SLC34A3: variants seen among roughly 807,000 people sequenced by gnomAD.
SLC34A3 encodes sodium-dependent phosphate transport protein 2C.
A neutral mutation model predicts 43.9 loss-of-function variants in SLC34A3; 60 were observed. The ratio of observed to expected loss-of-function variants is 1.37; its 90% CI spans 1.11 to 1.70. SLC34A3 has a LOEUF of 1.70. Ranked by LOEUF, SLC34A3 falls within the 40% of genes most tolerant of loss-of-function variation. SLC34A3 has a pLI of 0.00. For missense variants in SLC34A3, 969 were observed against 823.8 expected (o/e 1.18, Z -2.16); for synonymous variants, 451 against 386.2 (o/e 1.17, Z -1.97).
Position 137,234,367 on chromosome 9 carries a change from T to G in SLC34A3, c.1094-49T>G, listed in dbSNP as rs765325483. 2 of 1,598,402 alleles carry G rather than the reference T, an allele frequency of 1.3e-6. No homozygotes were observed. The highest frequency in any genetic ancestry group is 2.2e-5 in the East Asian group (1 of 44,818). On this transcript the variant is annotated intron_variant, in intron 10 of 12. Transcript: ENST00000673835. This position sits in a 1 kb window ranked among gnomAD's most constrained non-coding sequence, Gnocchi z 6.9. ...CCACCAGGCTGACTCGGGGGCTACC[T>G]GGCCCTCCTTGTGGGCGCTGGCCAG...
chr9:137,233,213 T>C lies in SLC34A3; in HGVS notation c.565T>C (p.Phe189Leu). The change falls in exon 7 of 13, where the codon TTC (phenylalanine) becomes CTC (leucine). Residue 189 changes from phenylalanine (F) to leucine (L), a missense_variant. By Grantham distance (22) the Phe-to-Leu change is conservative. Coordinates refer to ENST00000673835, the MANE Select transcript of SLC34A3 (RefSeq NM_001177316.2). ...GCCCACTCTCTGCGGCCACAGGGCT[T>C]TCAGCGGCTCGGCGGTGCACGGGAT... is the stretch of plus-strand genomic sequence containing the variant. ...SGDRDEFQRA[F>L]SGSAVHGIFN... 6.3e-7 allele frequency: 1 copy of C among 1,578,764 alleles called. No individual in the cohort carries two copies. The highest frequency in any genetic ancestry group is 8.6e-7 in the Non-Finnish European group (1 of 1,162,760).
chr9:137,233,779 T>TTGGGGGGCCCCCCCCC, intron 8 of SLC34A3, 57 bp downstream of exon 8: 2 of 1,445,806 alleles, frequency 1.4e-6, no homozygotes, highest in Non-Finnish European at 1.9e-6. Context: ...TGCTGAGTCA[T>TTGGGGGGCCCCCCCCC]CCCGCCCCAC....
chr9:137,230,745 CAG>C (rs1257064390), upstream of SLC34A3: 1 of 152,244 alleles, frequency 6.6e-6, no homozygotes, highest in Non-Finnish European at 1.5e-5. Flanking sequence ...GTCCTAGCCA[CAG>C]AGTGACAGGA....
chr9:137,235,523 G>A (rs906971708), intron 12 of SLC34A3, among the ~76,000 whole-genome samples: 5 of 152,168 alleles, frequency 3.3e-5, no homozygotes, highest in East Asian at 1.9e-4. Context: ...CTCCAAGTCC[G>A]GCAGCCCCTG....
At position 137,236,122 on chromosome 9, in the gene SLC34A3, G is replaced by A. The variant is rs771554199; in HGVS notation, c.1506G>A (p.Ala502=). Reference sequence around the variant, plus strand: ...TCGGATTCCTGCTGCTGCCCCTGGCGGCCTTCGGGCTCTCCCTGGCAGGGG... The same window carrying A: ...TCGGATTCCTGCTGCTGCCCCTGGCAGCCTTCGGGCTCTCCCTGGCAGGGG... ...LLLGFLLLPL[A]AFGLSLAGGM... is the part of the protein sequence containing the mutation. The change falls in exon 13 of 13, where the codon GCG becomes GCA. Residue 502 remains alanine, a synonymous_variant. Transcript: ENST00000673835. 63 of 1,611,228 alleles carry A rather than the reference G, an allele frequency of 3.9e-5. No individual in the cohort carries two copies. Among genetic ancestry groups the A allele is most frequent in the Middle Eastern group, 1.6e-4 (1 of 6,080 alleles).
Position 137,234,550 on chromosome 9 carries a change from A to G in SLC34A3, c.1210+18A>G. 1 of 1,609,212 alleles carries G rather than the reference A, an allele frequency of 6.2e-7. No homozygotes were observed. The highest frequency in any genetic ancestry group is 8.5e-7 in the Non-Finnish European group (1 of 1,178,196). ...CCTCATGGGTGAGCAGGCAGGACAG[A>G]GGCCTCGGGAACGGGGGCTCGGGCT... On this transcript the variant is annotated intron_variant, in intron 11 of 12. Coordinates refer to ENST00000673835, the MANE Select transcript of SLC34A3 (RefSeq NM_001177316.2). This position sits in a 1 kb window ranked among gnomAD's most constrained non-coding sequence, Gnocchi z 6.9.
chr9:137,233,728 G>A lies in SLC34A3; in HGVS notation c.846+6G>A. 6.2e-7 allele frequency: 1 copy of A among 1,612,150 alleles called. No homozygotes were observed. Among genetic ancestry groups the A allele is most frequent in the Non-Finnish European group, 8.5e-7 (1 of 1,179,718 alleles). On this transcript the variant is annotated splice_donor_region_variant and intron_variant, in intron 8 of 12. Transcript: ENST00000673835. ...GCGGCACCACGGGGCAGCCGGTGAG[G>A]CACCCAACCCTAGGCCCTCACTGAC...
intron 8 of SLC34A3, 57 bp downstream of exon 8, chr9:137,233,779 T>TTGGGGGCCCCCCCCCCCCCCCCCCC: frequency 1.4e-6 from 2 of 1,445,728 alleles, no homozygotes; most frequent in Admixed American, 1.8e-5. Context: ...TGCTGAGTCA[T>TTGGGGGCCCCCCCCCCCCCCCCCCC]CCCGCCCCAC....
intron 12 of SLC34A3, 72 bp from the exon 13 acceptor site, chr9:137,235,880 G>A (rs554436229): frequency 2.1e-5 from 28 of 1,354,564 alleles, no homozygotes; most frequent in Admixed American, 6.7e-5. Context: ...GGGTGGAGGA[G>A]GGCAGGGGTC....
In SLC34A3 at chr9:137,236,446, C is replaced by A. The variant is rs1445470880; in HGVS notation, c.*30C>A. On this transcript the variant is annotated 3_prime_UTR_variant, in exon 13 of 13. Transcript: ENST00000673835. ...CAGTTGCTGAGCAGACCGCCCCACC[C>A]TCCCCGGCTGGGAGGGCTCTGGAGG... 8 of 1,528,246 alleles carry A rather than the reference C, an allele frequency of 5.2e-6. No homozygotes were observed. The highest frequency in any genetic ancestry group is 4.1e-5 in the African/African-American group (3 of 72,852). The allele number at this position is 1,528,246 out of a possible 1,614,324, so 94.7% of individuals were successfully genotyped here. A position where few individuals can be genotyped will look rare whatever the true frequency, so the allele number is the denominator to read the frequency against.
upstream of SLC34A3, among the ~76,000 whole-genome samples, chr9:137,230,462 G>C (rs2131397669): frequency 6.6e-6 from 1 of 152,320 alleles, no homozygotes; most frequent in Non-Finnish European, 1.5e-5. Context: ...TCCCTCCCCT[G>C]CTCTGCCGAG....
At chr9:137,232,487 G>C (rs989564273) in intron 3 of SLC34A3, 88 bp from the exon 4 acceptor site, 25 of 1,560,240 alleles carry the variant, frequency 1.6e-5, no homozygotes, top group Middle Eastern at 1.9e-4. Flanking sequence ...TGGAGACAGA[G>C]GAGAGAGGGG....
At position 137,234,572 on chromosome 9, in the gene SLC34A3, G is replaced by T; in HGVS notation, c.1211-35G>T. On this transcript the variant is annotated intron_variant, in intron 11 of 12. Coordinates refer to ENST00000673835, the MANE Select transcript of SLC34A3 (RefSeq NM_001177316.2). This position sits in a 1 kb window ranked among gnomAD's most constrained non-coding sequence, Gnocchi z 6.9. ...CAGAGGCCTCGGGAACGGGGGCTCG[G>T]GCTGGGGTCCTGTGGTGACTCCCAG... is the stretch of plus-strand genomic sequence containing the variant. The T allele has an allele frequency of 1.2e-6, 2 of 1,610,688 alleles. No individual in the cohort carries two copies. Among genetic ancestry groups the T allele is most frequent in the Non-Finnish European group, 1.7e-6 (2 of 1,178,806 alleles).
chr9:137,236,439 C>A lies in SLC34A3; in HGVS notation c.*23C>A, dbSNP rs911354409. ...TGACGGGCAGTTGCTGAGCAGACCGCCCCACCCTCCCCGGCTGGGAGGGCT... is the reference window on the plus strand; with the variant it reads ...TGACGGGCAGTTGCTGAGCAGACCGACCCACCCTCCCCGGCTGGGAGGGCT... On this transcript the variant is annotated 3_prime_UTR_variant, in exon 13 of 13. Transcript: ENST00000673835. 6.5e-7 allele frequency: 1 copy of A among 1,529,594 alleles called. No individual in the cohort carries two copies. The highest frequency in any genetic ancestry group is 8.8e-7 in the Non-Finnish European group (1 of 1,140,940). The allele number at this position is 1,529,594 out of a possible 1,614,324, so 94.8% of individuals were successfully genotyped here.
Position 137,234,166 on chromosome 9 carries a change from T to C in SLC34A3, c.983T>C (p.Leu328Pro). 6.2e-7 allele frequency: 1 copy of C among 1,603,722 alleles called. No homozygotes were observed. The highest frequency in any genetic ancestry group is 8.5e-7 in the Non-Finnish European group (1 of 1,178,246). ...LTDLAVGCIL[L>P]AGSLLVLCGC... Reference sequence around the variant, plus strand: ...GACCTGGCCGTGGGCTGCATCCTGCTGGCCGGCTCCCTGCTGGTGCTCTGC... The same window carrying C: ...GACCTGGCCGTGGGCTGCATCCTGCCGGCCGGCTCCCTGCTGGTGCTCTGC... Residue 328 changes from leucine (L) to proline (P), a missense_variant, in exon 10 of 13, where the codon CTG (leucine) becomes CCG (proline). Coordinates refer to ENST00000673835, the MANE Select transcript of SLC34A3 (RefSeq NM_001177316.2). This position sits in a 1 kb window ranked among gnomAD's most constrained non-coding sequence, Gnocchi z 6.9.
rs1171919531 is a variant in SLC34A3, at chr9:137,234,866, C to T, written c.1335+135C>T. 7.5e-7 allele frequency: 1 copy of T among 1,326,954 alleles called. No homozygotes were observed. The highest frequency in any genetic ancestry group is 1.1e-6 in the Non-Finnish European group (1 of 951,778). The allele number at this position is 1,326,954 out of a possible 1,614,324, so 82.2% of individuals were successfully genotyped here. On this transcript the variant is annotated intron_variant, in intron 12 of 12. Transcript: ENST00000673835. The surrounding 1 kb of genome is among the most constrained non-coding windows in gnomAD (Gnocchi z 6.9). ...CTGGACCCCTTCCCTGGCCGCCAGCCTCAGCCCTGCTGCTCTGCCTCCTTG... is the reference window on the plus strand; with the variant it reads ...CTGGACCCCTTCCCTGGCCGCCAGCTTCAGCCCTGCTGCTCTGCCTCCTTG...
At position 137,234,559 on chromosome 9, in the gene SLC34A3, G is replaced by A. The variant is rs1836476863; in HGVS notation, c.1210+27G>A. The A allele has an allele frequency of 6.2e-6, 10 of 1,609,640 alleles. No individual in the cohort carries two copies. Among genetic ancestry groups the A allele is most frequent in the South Asian group, 2.2e-5 (2 of 91,026 alleles). On this transcript the variant is annotated intron_variant, in intron 11 of 12. Coordinates refer to ENST00000673835, the MANE Select transcript of SLC34A3 (RefSeq NM_001177316.2). This position sits in a 1 kb window ranked among gnomAD's most constrained non-coding sequence, Gnocchi z 6.9. Reference sequence around the variant, plus strand: ...TGAGCAGGCAGGACAGAGGCCTCGGGAACGGGGGCTCGGGCTGGGGTCCTG... The same window carrying A: ...TGAGCAGGCAGGACAGAGGCCTCGGAAACGGGGGCTCGGGCTGGGGTCCTG...
At chr9:137,233,779 T>TTGCCCCCCCCCCCCCCCC in intron 8 of SLC34A3, 57 bp downstream of exon 8, 4 of 1,445,804 alleles carry the variant, frequency 2.8e-6, no homozygotes, top group Non-Finnish European at 3.8e-6. Flanking sequence ...TGCTGAGTCA[T>TTGCCCCCCCCCCCCCCCC]CCCGCCCCAC....
At position 137,234,249 on chromosome 9, in the gene SLC34A3, C is replaced by T. The variant is rs1426493355; in HGVS notation, c.1066C>T (p.Gln356Ter). The change falls in exon 10 of 13, where the codon CAG (glutamine) becomes TAG (stop). Residue 356 changes from glutamine (Q) to a stop codon, truncating the protein, a stop_gained. Transcript: ENST00000673835. LOFTEE classifies it high-confidence loss of function. This position sits in a 1 kb window ranked among gnomAD's most constrained non-coding sequence, Gnocchi z 6.9. ...CTCTGTGCTGCGCGGCCGCGTGGCC[C>T]AGGTCGTGAGGACAGTCATCAATGC... is the stretch of plus-strand genomic sequence containing the variant. The part of the protein sequence containing the change: ...LNSVLRGRVA[Q>*]VVRTVINADF... 1 of 1,610,842 alleles carries T rather than the reference C, an allele frequency of 6.2e-7. No individual in the cohort carries two copies. The highest frequency in any genetic ancestry group is 2.2e-5 in the East Asian group (1 of 44,826).
Sources: gnomAD v4.1 joint callset for allele counts (sites outside exome capture counted in the v4.1 genomes callset) on GRCh38, gnomAD v4.1.1 for gene constraint, Gnocchi (gnomAD v3.1) non-coding constraint, MANE v1.5 for transcripts, NCBI Gene and HGNC (gene_info 2026-07-23, HGNC 2026-07-21) for gene names.